Variants in GLRA2 observed in about 807,000 individuals in gnomAD.
GLRA2 encodes the protein glycine receptor alpha 2.
A neutral mutation model predicts 31.6 loss-of-function variants in GLRA2; 11 were observed. That is an observed-to-expected ratio of 0.35 (90% CI 0.22 to 0.58). The LOEUF is 0.58. Among genes scored for constraint, GLRA2 ranks in the 20% least tolerant of loss-of-function variants. The probability of loss-of-function intolerance (pLI) is 0.84; values close to 1 mark genes in which losing one functional copy is unlikely to be tolerated. For missense variants in GLRA2, 212 were observed against 351.8 expected (o/e 0.60, Z 3.18); for synonymous variants, 132 against 134.0 (o/e 0.99, Z 0.10).
Position 14,530,139 on chromosome X carries a change from C to A in GLRA2, c.68+14C>A. Reference sequence around the variant, plus strand: ...AAACCACTTCAGGTAGGTGAAACGACTTTGCATGTTGATATTTAAATTGTT... The same window carrying A: ...AAACCACTTCAGGTAGGTGAAACGAATTTGCATGTTGATATTTAAATTGTT... On this transcript the variant is annotated intron_variant, in intron 1 of 8. Transcript: ENST00000218075. 4 of 1,057,124 alleles carry A rather than the reference C, an allele frequency of 3.8e-6. No homozygotes were observed. The highest frequency in any genetic ancestry group is 5.3e-6 in the Non-Finnish European group (4 of 754,565). The allele number at this position is 1,057,124 out of a possible 1,213,427, so 87.1% of individuals were successfully genotyped here. A position where few individuals can be genotyped will look rare whatever the true frequency, so the allele number is the denominator to read the frequency against.
At chrX:14,625,531 A>G (rs184054427) in intron 7 of GLRA2, among the ~76,000 whole-genome samples, 11 of 111,368 alleles carry the variant, frequency 9.9e-5, no homozygotes, top group Admixed American at 3.8e-4. Context: ...GAGCTCTTGT[A>G]AGGCAGGCCT....
At chrX:14,651,538 T>C (rs1423230399) in intron 7 of GLRA2, among the ~76,000 whole-genome samples, 1 of 111,708 alleles carries the variant, frequency 9.0e-6, no homozygotes, top group East Asian at 2.8e-4. Flanking sequence ...GATATACAAA[T>C]AGTTACCATT....
chrX:14,585,109 C>G (rs1458503873), intron 4 of GLRA2, among the ~76,000 whole-genome samples: 1 of 111,471 alleles, frequency 9.0e-6, no homozygotes, highest in Non-Finnish European at 1.9e-5. Flanking sequence ...TTATACTTTT[C>G]TTTCATTGTG....
the GLRA2 span, among the ~76,000 whole-genome samples, chrX:14,469,447 A>T: frequency 7.4e-5 from 8 of 108,785 alleles, no homozygotes; most frequent in Admixed American, 7.9e-4. Context: ...AACCAACCCA[A>T]ATGTCCAACA....
chrX:14,451,135 ATTC>A, the GLRA2 span, among the ~76,000 whole-genome samples: 10 of 111,846 alleles, frequency 8.9e-5, no homozygotes, highest in Non-Finnish European at 1.7e-4. Context: ...CTTACAAGAG[ATTC>A]TTAAGACAGT....
At chrX:14,520,836 G>T in the GLRA2 span, among the ~76,000 whole-genome samples, 4 of 112,715 alleles carry the variant, frequency 3.5e-5, no homozygotes, top group South Asian at 1.5e-3. Context: ...GGACATTGCT[G>T]GCCATTGAAA....
At chrX:14,470,393 T>C in the GLRA2 span, among the ~76,000 whole-genome samples, 1 of 111,782 alleles carries the variant, frequency 8.9e-6, no homozygotes, top group Admixed American at 9.5e-5. Flanking sequence ...GTATATTTAT[T>C]CCTTACCTTG....
intron 7 of GLRA2, among the ~76,000 whole-genome samples, chrX:14,637,067 A>G (rs780667288): frequency 8.9e-6 from 1 of 112,357 alleles, no homozygotes; most frequent in African/African-American, 3.2e-5. Flanking sequence ...GTTAAAAAAA[A>G]TACTAGACAC....
At chrX:14,565,827 G>A (rs1006355890) in intron 2 of GLRA2, among the ~76,000 whole-genome samples, 7 of 111,433 alleles carry the variant, frequency 6.3e-5, no homozygotes, top group African/African-American at 2.0e-4. Flanking sequence ...TACAGTGAAG[G>A]CAGTGCTTAG....
At chrX:14,604,019 T>C (rs1183743172) in intron 4 of GLRA2, among the ~76,000 whole-genome samples, 1 of 111,076 alleles carries the variant, frequency 9.0e-6, no homozygotes, top group Non-Finnish European at 1.9e-5. Flanking sequence ...AGTGGTCTTG[T>C]TTATTCTAGT....
chrX:14,680,850 G>A lies in GLRA2; in HGVS notation c.931-9860G>A, dbSNP rs186386202. On this transcript the variant is annotated intron_variant, in intron 7 of 8. Coordinates refer to ENST00000218075, the MANE Select transcript of GLRA2 (RefSeq NM_002063.4). ...GGTCTGCTGATTGCTAGAAGATGGG[G>A]AAAAGGTGTATAAATTACTGAATGC... 8.0e-5 allele frequency among the ~76,000 whole-genome samples: 9 copies of A among 111,848 alleles called. No individual in the cohort carries two copies. In the East Asian group the frequency reaches 1.7e-3, roughly 21 times the overall value.
intron 7 of GLRA2, among the ~76,000 whole-genome samples, chrX:14,668,538 T>C (rs903549015): frequency 8.9e-6 from 1 of 112,243 alleles, no homozygotes; most frequent in Admixed American, 9.4e-5. Context: ...TACTGAAGAC[T>C]GGGCAATTTA....
intron 8 of GLRA2, among the ~76,000 whole-genome samples, chrX:14,695,150 T>C (rs1379815451): frequency 1.0e-5 from 1 of 97,408 alleles, no homozygotes; most frequent in Non-Finnish European, 2.2e-5. Context: ...CACATTGAGA[T>C]AACAGAAACA....
chrX:14,671,498 C>G (rs1301737680), intron 7 of GLRA2, among the ~76,000 whole-genome samples: 1 of 106,856 alleles, frequency 9.4e-6, no homozygotes, highest in East Asian at 2.8e-4. Context: ...TGCTAGGGAT[C>G]CTCCAAAAAC....
rs1401056141 is a variant in GLRA2 at position 14,731,344 on chromosome X, C to A, written c.*859C>A. On this transcript the variant is annotated 3_prime_UTR_variant, in exon 9 of 9. Coordinates refer to ENST00000218075, the MANE Select transcript of GLRA2 (RefSeq NM_002063.4). The stretch of plus-strand genomic sequence containing the variant: ...TTAGTGCATTATATATATATTTTTG[C>A]TTTGGCTATATTTACACGTGACTTT... 2.7e-5 allele frequency: 3 copies of A among 111,663 alleles called. No homozygotes were observed. Among genetic ancestry groups the A allele is most frequent in the Non-Finnish European group, 5.7e-5 (3 of 53,092 alleles). The allele number at this position is 111,663 out of a possible 1,213,427, so 9.2% of individuals were successfully genotyped here.
intron 7 of GLRA2, among the ~76,000 whole-genome samples, chrX:14,685,273 TTC>T (rs1048125208): frequency 1.8e-5 from 2 of 111,219 alleles, no homozygotes; most frequent in Admixed American, 9.6e-5. Context: ...TGGTCTAAAA[TTC>T]TCTTTTTTTG....
chrX:14,705,560 G>A (rs933604151), intron 8 of GLRA2, among the ~76,000 whole-genome samples: 1 of 112,077 alleles, frequency 8.9e-6, no homozygotes, highest in African/African-American at 3.2e-5. Flanking sequence ...AGAGGACTGA[G>A]GTTTAGCTTC....
chrX:14,601,183 G>C (rs1171014483), intron 4 of GLRA2, among the ~76,000 whole-genome samples: 13 of 111,180 alleles, frequency 1.2e-4, no homozygotes, highest in Non-Finnish European at 2.5e-4. Flanking sequence ...CTCCATAATT[G>C]ACAACAATTT....
chrX:14,730,590 G>C lies in GLRA2; in HGVS notation c.*105G>C, dbSNP rs1447829592. On this transcript the variant is annotated 3_prime_UTR_variant, in exon 9 of 9. Transcript: ENST00000218075. ...TTGACAGAGGAGAAGATTGAGGGAG[G>C]GGGGAGGGAGGGTCATGGGGGTGGG... 1.5e-5 allele frequency: 2 copies of C among 129,506 alleles called. No individual in the cohort carries two copies. The highest frequency in any genetic ancestry group is 2.2e-4 in the East Asian group (1 of 4,614). The allele number at this position is 129,506 out of a possible 1,213,427, so 10.7% of individuals were successfully genotyped here. A position where few individuals can be genotyped will look rare whatever the true frequency, so the allele number is the denominator to read the frequency against.
Sources: gnomAD v4.1 joint callset for allele counts (sites outside exome capture counted in the v4.1 genomes callset) on GRCh38, gnomAD v4.1.1 for gene constraint, MANE v1.5 for transcripts, NCBI Gene and HGNC (gene_info 2026-07-23, HGNC 2026-07-21) for gene names.